Variants in PARP11 observed in about 807,000 individuals in gnomAD.
PARP11 encodes the protein poly(ADP-ribose) polymerase family member 11, also known as protein mono-ADP-ribosyltransferase PARP11.
In PARP11, 31 loss-of-function variants were observed where a neutral mutation model predicts 42.9. The ratio of observed to expected loss-of-function variants is 0.72; its 90% CI spans 0.54 to 0.98. The LOEUF is 0.98. PARP11 is among the 50% of genes least tolerant of loss of function. PARP11 has a pLI of 0.00. For missense variants in PARP11, 365 were observed against 413.1 expected (o/e 0.88, Z 1.01); for synonymous variants, 137 against 127.3 (o/e 1.08, Z -0.51).
intron 1 of PARP11, among the ~76,000 whole-genome samples, chr12:3,846,732 G>A (rs1033524559): frequency 6.0e-5 from 9 of 150,120 alleles, no homozygotes; most frequent in African/African-American, 2.2e-4. Context: ...ACTCCAGCCT[G>A]GGCAACAGAG....
At chr12:3,853,684 T>C (rs890402025) in intron 1 of PARP11, among the ~76,000 whole-genome samples, 1 of 152,172 alleles carries the variant, frequency 6.6e-6, no homozygotes, top group Non-Finnish European at 1.5e-5. Flanking sequence ...ACAATAACAA[T>C]GGGAGACTTT....
intron 1 of PARP11, among the ~76,000 whole-genome samples, chr12:3,838,609 CATAA>C (rs977975593): frequency 7.9e-5 from 12 of 152,138 alleles, no homozygotes; most frequent in South Asian, 6.2e-4. Flanking sequence ...AATACCAGAG[CATAA>C]ATAAATAAAA....
At chr12:3,860,051 T>C (rs1297031714) in intron 1 of PARP11, among the ~76,000 whole-genome samples, 1 of 152,104 alleles carries the variant, frequency 6.6e-6, no homozygotes, top group South Asian at 2.1e-4. Flanking sequence ...GACAGAATTA[T>C]TAAGCAAAAA....
chr12:3,859,263 A>T (rs1948252611), intron 1 of PARP11, among the ~76,000 whole-genome samples: 1 of 152,148 alleles, frequency 6.6e-6, no homozygotes, highest in Admixed American at 6.5e-5. Context: ...ATAGAAAACA[A>T]AAAGTAAAAT....
chr12:3,812,306 A>G lies in PARP11; in HGVS notation c.834T>C (p.Phe278=). 6.2e-7 allele frequency: 1 copy of G among 1,614,224 alleles called. No individual in the cohort carries two copies. The highest frequency in any genetic ancestry group is 8.5e-7 in the Non-Finnish European group (1 of 1,180,024). Residue 278 remains phenylalanine, a synonymous_variant, in exon 8 of 8, where the codon TTT becomes TTC. Coordinates refer to ENST00000228820, the MANE Select transcript of PARP11 (RefSeq NM_020367.6). ...AATCTCCAATTAGCACTCGAGCAAG[A>G]AACATAGATTTATATGTTCTAAACA... ...RHLFRTYKSM[F]LARVLIGDYI...
intron 1 of PARP11, among the ~76,000 whole-genome samples, chr12:3,848,025 C>T (rs1394947751): frequency 6.6e-6 from 1 of 151,816 alleles, no homozygotes; most frequent in African/African-American, 2.4e-5. Context: ...CAAGAGCAAA[C>T]AATCTAAAAA....
intron 1 of PARP11, among the ~76,000 whole-genome samples, chr12:3,839,207 G>T (rs1241789359): frequency 2.0e-5 from 3 of 149,600 alleles, no homozygotes; most frequent in South Asian, 2.1e-4. Flanking sequence ...GCCCCAGCCC[G>T]AGCCGCCGCC....
intron 1 of PARP11, chr12:3,841,565 C>T: frequency 1.9e-6 from 3 of 1,607,484 alleles, no homozygotes; most frequent in Non-Finnish European, 2.6e-6. Context: ...GTTATCCCTC[C>T]ATCTCAGGTG....
intron 4 of PARP11, 23 bp downstream of exon 4, chr12:3,826,135 C>T: frequency 6.9e-7 from 1 of 1,453,486 alleles, no homozygotes; most frequent in Non-Finnish European, 9.3e-7. Flanking sequence ...CCACTCTTTC[C>T]ACCCCTATTC....
rs769234197 is a variant in PARP11 at position 3,812,325 on chromosome 12, C to T, written c.815G>A (p.Arg272Lys). 1.9e-6 allele frequency: 3 copies of T among 1,614,066 alleles called. No homozygotes were observed. In the East Asian group the frequency reaches 6.7e-5, roughly 36 times the overall value. ...GVSLQQRHLFRTYKSMFLARV... is the reference protein window; with the variant it reads ...GVSLQQRHLFKTYKSMFLARV... ...AGCAAGAAACATAGATTTATATGTT[C>T]TAAACAGATGCCGCTGTTGCAAGCT... is the stretch of plus-strand genomic sequence containing the variant. Residue 272 changes from arginine (R) to lysine (K), a missense_variant, in exon 8 of 8, where the codon AGA becomes AAA. Coordinates refer to ENST00000228820, the MANE Select transcript of PARP11 (RefSeq NM_020367.6).
chr12:3,863,122 T>C (rs1948328043), intron 1 of PARP11, among the ~76,000 whole-genome samples: 1 of 152,242 alleles, frequency 6.6e-6, no homozygotes, highest in Non-Finnish European at 1.5e-5. Context: ...ATATTTTTGA[T>C]AGTACTGTAA....
At position 3,812,152 on chromosome 12, in the gene PARP11, A is replaced by T. The variant is rs747008753; in HGVS notation, c.988T>A (p.Tyr330Asn). Residue 330 changes from tyrosine to asparagine, a missense_variant, in exon 8 of 8, where the codon TAT (tyrosine) becomes AAT (asparagine). By Grantham distance (143) the Tyr-to-Asn change is moderately radical. Transcript: ENST00000228820. Reference protein sequence around the residue: ...IFVVFDANQIYPEYLIDFH With the variant: ...IFVVFDANQINPEYLIDFH ...TGAAAGTCTATCAAGTACTCAGGATAGATTTGGTTGGCATCAAAAACCACA... is the reference window on the plus strand; with the variant it reads ...TGAAAGTCTATCAAGTACTCAGGATTGATTTGGTTGGCATCAAAAACCACA... The T allele has an allele frequency of 5.0e-6, 8 of 1,613,830 alleles. No individual in the cohort carries two copies. Among genetic ancestry groups the T allele is most frequent in the Non-Finnish European group, 5.1e-6 (6 of 1,179,846 alleles).
At chr12:3,847,804 A>G (rs1948030564) in intron 1 of PARP11, among the ~76,000 whole-genome samples, 1 of 152,236 alleles carries the variant, frequency 6.6e-6, no homozygotes, top group South Asian at 2.1e-4. Flanking sequence ...TCAACATGAT[A>G]TTGGAAGTCC....
intron 1 of PARP11, chr12:3,872,887 C>G (rs1279871516): frequency 1.5e-6 from 1 of 683,050 alleles, no homozygotes; most frequent in Non-Finnish European, 1.8e-6. Flanking sequence ...GATCACGCCA[C>G]TGCACTCCAG....
chr12:3,823,129 T>C (rs1947436613), intron 4 of PARP11, among the ~76,000 whole-genome samples: 1 of 152,214 alleles, frequency 6.6e-6, no homozygotes, highest in African/African-American at 2.4e-5. Flanking sequence ...CTAAATAAAT[T>C]AATAAATTTC....
At chr12:3,865,426 C>T (rs1242070979) in intron 1 of PARP11, among the ~76,000 whole-genome samples, 1 of 152,148 alleles carries the variant, frequency 6.6e-6, no homozygotes, top group Non-Finnish European at 1.5e-5. Flanking sequence ...TTTCTATCTG[C>T]TCATTCCATC....
chr12:3,817,329 C>A (rs993729446), intron 6 of PARP11, among the ~76,000 whole-genome samples: 1 of 151,986 alleles, frequency 6.6e-6, no homozygotes. Flanking sequence ...CATAGGCAGG[C>A]ATGGAAAACA....
rs971129539 is a variant in PARP11 at position 3,830,132 on chromosome 12, T to A, written c.19-114A>T. 14 of 882,768 alleles carry A rather than the reference T, an allele frequency of 1.6e-5. No homozygotes were observed. The African/African-American group carries it at 2.4e-4, about 15-fold the overall frequency. The allele number at this position is 882,768 out of a possible 1,614,324, so 54.7% of individuals were successfully genotyped here. A position where few individuals can be genotyped will look rare whatever the true frequency, so the allele number is the denominator to read the frequency against. On this transcript the variant is annotated intron_variant, in intron 1 of 7. Transcript: ENST00000228820. ...TGGTATTCAAGTGTCTTTCCTCCCA[T>A]GACACTTTAAAAACAGCTTTCTATC...
chr12:3,842,580 A>T (rs1947913801), intron 1 of PARP11: 1 of 1,169,118 alleles, frequency 8.6e-7, no homozygotes, highest in South Asian at 1.5e-5. Context: ...AAGGCTTTAA[A>T]AAACTACAAT....
Sources: gnomAD v4.1 joint callset for allele counts (sites outside exome capture counted in the v4.1 genomes callset) on GRCh38, gnomAD v4.1.1 for gene constraint, MANE v1.5 for transcripts, NCBI Gene and HGNC (gene_info 2026-07-23, HGNC 2026-07-21) for gene names.